The following PARP4 variants were observed in gnomAD, a reference collection of about 807,000 sequenced individuals.
PARP4 encodes protein mono-ADP-ribosyltransferase PARP4.
PARP4 carries 120 observed loss-of-function variants against 187.7 expected under a neutral mutation model. That is an observed-to-expected ratio of 0.64 (90% CI 0.55 to 0.74). The LOEUF is 0.74. Among genes scored for constraint, PARP4 ranks in the 30% least tolerant of loss-of-function variants. The probability of loss-of-function intolerance (pLI) is 0.00; values close to 1 mark genes in which losing one functional copy is unlikely to be tolerated. For synonymous variants in PARP4, 654 were observed against 740.9 expected (o/e 0.88, Z 1.90); for missense variants, 1,836 against 2,070.5 (o/e 0.89, Z 2.20).
intron 17 of PARP4, among the ~76,000 whole-genome samples, chr13:24,467,795 G>C (rs913330083): frequency 3.9e-5 from 6 of 152,130 alleles, no homozygotes; most frequent in Admixed American, 2.6e-4. Flanking sequence ...AAATATGTAA[G>C]TATTAAGGAG....
chr13:24,499,442 TA>T, intron 4 of PARP4, 66 bp from the exon 5 acceptor site: 1 of 1,380,010 alleles, frequency 7.2e-7, no homozygotes, highest in Non-Finnish European at 9.8e-7. Flanking sequence ...CAGAATTTCA[TA>T]AATTTTTTCT....
At position 24,448,899 on chromosome 13, in the gene PARP4, T is replaced by C. The variant is rs139341020; in HGVS notation, c.3114+819A>G. ...ACAATGTCCTATGACTCCACTTATA[T>C]GAGATACTCAGAAAAGGCAAAGTCA... is the stretch of plus-strand genomic sequence containing the variant. On this transcript the variant is annotated intron_variant, in intron 25 of 33. Transcript: ENST00000381989. Among the ~76,000 whole-genome samples the C allele has an allele frequency of 4.3e-4, 66 of 152,316 alleles. 1 individual carries two copies. The East Asian group carries it at 0.012, about 29-fold the overall frequency.
rs749317586 is a variant in PARP4, at chr13:24,434,967, G to T, written c.4174C>A (p.Pro1392Thr). The change falls in exon 31 of 34, where the codon CCT becomes ACT. Residue 1392 changes from proline (P) to threonine (T), a missense_variant. This residue lies in a region of PARP4 where 450 missense variants were observed against 439.2 expected (regional missense o/e 1.02). Coordinates refer to ENST00000381989, the MANE Select transcript of PARP4 (RefSeq NM_006437.4). The part of the protein sequence containing the change: ...SCPTGPPQNP[P>T]SSPYCGIVFS... ...ACAATGCCACAATAGGGTGAAGAAG[G>T]TGGGTTCTGGGGAGGTCCTGTGGGA... 1 of 1,613,822 alleles carries T rather than the reference G, an allele frequency of 6.2e-7. No individual in the cohort carries two copies. Among genetic ancestry groups the T allele is most frequent in the African/African-American group, 1.3e-5 (1 of 74,924 alleles).
chr13:24,435,325 G>T lies in PARP4; in HGVS notation c.3816C>A (p.Phe1272Leu), dbSNP rs566519141. The T allele has an allele frequency of 6.0e-5, 97 of 1,612,656 alleles. 3 individuals carry two copies. In the South Asian group the frequency reaches 1.1e-3, roughly 18 times the overall value. ...CACCTCCACGTTCCAAATTTGATGT[G>T]AAAGCTGGTAGTACACCTAAGCCAT... ...EEDGLGVLPAFTSNLERGGVE... is the reference protein window; with the variant it reads ...EEDGLGVLPALTSNLERGGVE... Residue 1272 changes from phenylalanine (F) to leucine (L), a missense_variant, in exon 31 of 34, where the codon TTC becomes TTA. By Grantham distance (22) the Phe-to-Leu change is conservative. Transcript: ENST00000381989.
chr13:24,497,347 C>T (rs551569134), intron 6 of PARP4, among the ~76,000 whole-genome samples: 32 of 152,210 alleles, frequency 2.1e-4, no homozygotes, highest in Non-Finnish European at 3.5e-4. Flanking sequence ...TGATCTCTGA[C>T]GCCAGGGTGT....
chr13:24,459,564 CACATTTTATACATGTGCTGTACAT>C, intron 18 of PARP4: 3 of 415,230 alleles, frequency 7.2e-6, no homozygotes, highest in African/African-American at 2.0e-5. Flanking sequence ...CACACACACA[CACATTTTATACATGTGCTGTACAT>C]ACAAAGTAGG....
At chr13:24,431,259 A>AT (rs1472875464) in intron 32 of PARP4, 118 bp downstream of exon 32, 1 of 613,078 alleles carries the variant, frequency 1.6e-6, no homozygotes, top group East Asian at 3.1e-5. Context: ...CCATTCGAAT[A>AT]TAACTTTCAT....
At chr13:24,432,312 G>A (rs1383299397) in intron 31 of PARP4, among the ~76,000 whole-genome samples, 6 of 151,964 alleles carry the variant, frequency 3.9e-5, no homozygotes, top group African/African-American at 7.3e-5. Flanking sequence ...GCATTGAACC[G>A]GTATTTCTCA....
intron 26 of PARP4, 112 bp downstream of exon 26, chr13:24,446,904 T>C (rs1189394499): frequency 7.7e-6 from 11 of 1,430,028 alleles, no homozygotes; most frequent in Non-Finnish European, 1.0e-5. Flanking sequence ...CCACCAGCTG[T>C]GTTCCCAGAA....
chr13:24,467,040 T>C (rs1872512762), intron 17 of PARP4, among the ~76,000 whole-genome samples: 1 of 152,228 alleles, frequency 6.6e-6, no homozygotes, highest in African/African-American at 2.4e-5. Flanking sequence ...GCAGCAAAAT[T>C]CAACAGTACG....
intron 17 of PARP4, among the ~76,000 whole-genome samples, chr13:24,468,342 T>C (rs959067624): frequency 2.6e-5 from 4 of 151,836 alleles, no homozygotes; most frequent in African/African-American, 9.7e-5. Context: ...CCCTGCTTTA[T>C]GATTGGACCA....
chr13:24,511,633 C>T (rs1194047534), intron 1 of PARP4, among the ~76,000 whole-genome samples: 1 of 152,230 alleles, frequency 6.6e-6, no homozygotes, highest in African/African-American at 2.4e-5. Context: ...GGCATTTCCT[C>T]CTCTCGGAAA....
intron 29 of PARP4, among the ~76,000 whole-genome samples, 179 bp from the exon 30 acceptor site, chr13:24,442,147 G>T: frequency 6.6e-6 from 1 of 150,814 alleles, no homozygotes; most frequent in Non-Finnish European, 1.5e-5. Context: ...CCTCTTTACG[G>T]AGCACTGGCA....
chr13:24,425,569 G>GTGTATCTATATCTATATC (rs1491353761), intron 33 of PARP4, among the ~76,000 whole-genome samples: 1 of 136,732 alleles, frequency 7.3e-6, no homozygotes, highest in African/African-American at 2.8e-5. Flanking sequence ...GTGTGTGTGT[G>GTGTATCTATATCTATATC]TATATCTATA....
intron 10 of PARP4, among the ~76,000 whole-genome samples, chr13:24,488,456 C>T (rs1868446818): frequency 6.6e-6 from 1 of 152,138 alleles, no homozygotes; most frequent in African/African-American, 2.4e-5. Flanking sequence ...CGGGTTCAAG[C>T]GATTCTTGTG....
At chr13:24,455,484 T>A (rs1437737405) in intron 21 of PARP4, among the ~76,000 whole-genome samples, 2 of 132,440 alleles carry the variant, frequency 1.5e-5, no homozygotes, top group African/African-American at 3.0e-5. Flanking sequence ...GGAACAAATA[T>A]ATATATATAT....
chr13:24,478,692 C>T lies in PARP4; in HGVS notation c.1449-416G>A, dbSNP rs1873112451. On this transcript the variant is annotated intron_variant, in intron 12 of 33. Transcript: ENST00000381989. ...CAAGTGATCCTCCCTCCTCAGCCTCCCAAAGTGCTGGGATTACAGGCATGA... is the reference window on the plus strand; with the variant it reads ...CAAGTGATCCTCCCTCCTCAGCCTCTCAAAGTGCTGGGATTACAGGCATGA... Among the ~76,000 whole-genome samples the T allele has an allele frequency of 2.6e-5, 4 of 152,142 alleles. No homozygotes were observed. The South Asian group carries it at 8.3e-4, about 31-fold the overall frequency.
intron 6 of PARP4, among the ~76,000 whole-genome samples, chr13:24,495,009 C>T (rs1410843350): frequency 6.6e-6 from 1 of 151,888 alleles, no homozygotes; most frequent in Admixed American, 6.6e-5. Flanking sequence ...GTAGCTGGGA[C>T]CACAGGCATG....
chr13:24,426,724 C>G, intron 32 of PARP4, 126 bp from the exon 33 acceptor site: 1 of 799,480 alleles, frequency 1.3e-6, no homozygotes, highest in Non-Finnish European at 1.9e-6. Flanking sequence ...TCCATCTCTG[C>G]TAAAAAAAAA....
Sources: allele counts gnomAD v4.1 joint callset (sites outside exome capture counted in the v4.1 genomes callset), GRCh38; gene constraint gnomAD v4.1.1; regional missense constraint gnomAD v4.1.1; transcripts MANE v1.5; gene names NCBI Gene and HGNC (gene_info 2026-07-23, HGNC 2026-07-21).